The following MED16 variants were observed in gnomAD, a reference collection of about 807,000 sequenced individuals.
The protein encoded by MED16 is mediator complex subunit 16.
MED16 carries 81 observed loss-of-function variants against 84.4 expected under a neutral mutation model. That is an observed-to-expected ratio of 0.96 (90% CI 0.80 to 1.15). The LOEUF is 1.15. Among genes scored for constraint, MED16 ranks in the 50% most tolerant of loss-of-function variants. The pLI is 0.00. For synonymous variants in MED16, 897 were observed against 552.2 expected, an observed-to-expected ratio of 1.62 and a Z score of -8.76; for missense variants, 1,585 against 1,245.9, an observed-to-expected ratio of 1.27 and a Z score of -4.10.
At chr19:879,702 C>T (rs2036368415) in intron 8 of MED16, among the ~76,000 whole-genome samples, 1 of 151,650 alleles carries the variant, frequency 6.6e-6, no homozygotes, top group Non-Finnish European at 1.5e-5. Flanking sequence ...CCCAGCAGCT[C>T]GCCTTCCCCT....
intron 4 of MED16, among the ~76,000 whole-genome samples, chr19:887,870 T>C (rs911667650): frequency 6.7e-6 from 1 of 150,200 alleles, no homozygotes; most frequent in African/African-American, 2.5e-5. Flanking sequence ...TGGATCAGGG[T>C]GATGCAGGAT....
At chr19:877,246 T>C in intron 8 of MED16, 66 bp from the exon 9 acceptor site, 3 of 1,476,746 alleles carry the variant, frequency 2.0e-6, no homozygotes, top group Middle Eastern at 2.2e-4. Context: ...GGGAGAGGAA[T>C]GGGGCCCTGG....
chr19:877,217 TG>T, intron 8 of MED16, 37 bp from the exon 9 acceptor site: 1 of 1,575,076 alleles, frequency 6.3e-7, no homozygotes. Context: ...CCCGGTGAGA[TG>T]GGGCTGCGCC....
Position 876,846 on chromosome 19 carries a change from A to ACGGG in MED16, c.1560+127_1560+128insCCCG, listed in dbSNP as rs1568324433. The stretch of plus-strand genomic sequence containing the variant: ...CGGGGCCCCTGCCTGCCACAGGGAC[A>ACGGG]GCCCCACCTGGCACGGGACCACCTG... On this transcript the variant is annotated intron_variant, in intron 9 of 15. Transcript: ENST00000325464. 1.2e-4 allele frequency: 101 copies of ACGGG among 841,764 alleles called. No individual in the cohort carries two copies. The African/African-American group carries it at 1.7e-3, about 14-fold the overall frequency. The allele number at this position is 841,764 out of a possible 1,614,324, so 52.1% of individuals were successfully genotyped here.
chr19:868,245 A>G lies in MED16; in HGVS notation c.2490T>C (p.Val830=). The change falls in exon 16 of 16, where the codon GTT becomes GTC. Residue 830 remains valine, a synonymous_variant. Transcript: ENST00000325464. ...CGCAGGCGTCCGGCCCACGGCCTTC[A>G]ACAGCCCTGCAGGGCGGGCTGAGGT... ...EQRWIKNCLA[V]EGRGPDACVT... is the part of the protein sequence containing the mutation. 1 of 1,595,622 alleles carries G rather than the reference A, an allele frequency of 6.3e-7. No individual in the cohort carries two copies. The highest frequency in any genetic ancestry group is 8.5e-7 in the Non-Finnish European group (1 of 1,171,950).
intron 2 of MED16, chr19:890,526 T>C: frequency 2.6e-6 from 1 of 389,598 alleles, no homozygotes; most frequent in Non-Finnish European, 4.6e-6. Flanking sequence ...GGTGGCTTTT[T>C]TGCACCCCGA....
In MED16 at chr19:886,046, C is replaced by T. The variant is rs527765477; in HGVS notation, c.603G>A (p.Thr201=). ...GCAGCCGGCACAGGCTCTCGGTGGA[C>T]GTCAGCACCTGCCCGCTGGGCTTCA... ...SLLKPSGQVL[T]STESLCRLRG... is the part of the protein sequence containing the mutation. Residue 201 remains threonine, a synonymous_variant, in exon 5 of 16, where the codon ACG becomes ACA. Transcript: ENST00000325464. 7.0e-5 allele frequency: 111 copies of T among 1,597,062 alleles called. 1 individual carries two copies. Among genetic ancestry groups the T allele is most frequent in the Middle Eastern group, 1.7e-4 (1 of 6,048 alleles).
Position 871,931 on chromosome 19 carries a change from A to T in MED16, c.2093T>A (p.Ile698Asn), listed in dbSNP as rs768815695. 6.5e-7 allele frequency: 1 copy of T among 1,546,714 alleles called. No individual in the cohort carries two copies. The highest frequency in any genetic ancestry group is 8.7e-7 in the Non-Finnish European group (1 of 1,150,342). Reference protein sequence around the residue: ...LLFRLLTKLWICCRDEGPASE... With the variant: ...LLFRLLTKLWNCCRDEGPASE... The stretch of plus-strand genomic sequence containing the variant: ...GGCGGGCGGGGGTGCCTCACAGCAG[A>T]TCCAGAGCTTGGTGAGCAGGCGGAA... Residue 698 changes from isoleucine to asparagine, a missense_variant, in exon 12 of 16, where the codon ATC (isoleucine) becomes AAC (asparagine). Coordinates refer to ENST00000325464, the MANE Select transcript of MED16 (RefSeq NM_005481.3).
At position 879,259 on chromosome 19, in the gene MED16, T is replaced by A. The variant is rs1178837889; in HGVS notation, c.1353+678A>T. Among the ~76,000 whole-genome samples the A allele has an allele frequency of 2.9e-5, 4 of 137,182 alleles. No homozygotes were observed. The South Asian group carries it at 9.7e-4, about 33-fold the overall frequency. The allele number at this position is 137,182 out of a possible 152,430, so 90.0% of individuals were successfully genotyped here. ...CCCCACATGCCCCAGCAGCTCGCCTTCCTCTGGTTGTCAATGCCCAGCAGC... is the reference window on the plus strand; with the variant it reads ...CCCCACATGCCCCAGCAGCTCGCCTACCTCTGGTTGTCAATGCCCAGCAGC... On this transcript the variant is annotated intron_variant, in intron 8 of 15. Transcript: ENST00000325464.
chr19:875,491 A>C (rs1568323482), intron 9 of MED16, 37 bp from the exon 10 acceptor site: 1 of 1,532,608 alleles, frequency 6.5e-7, no homozygotes, highest in Non-Finnish European at 8.8e-7. Context: ...AAGGGGCCGG[A>C]GCAGAGGCGC....
Position 871,963 on chromosome 19 carries a change from G to T in MED16, c.2061C>A (p.Ser687=), listed in dbSNP as rs201690635. The T allele has an allele frequency of 3.1e-6, 5 of 1,606,340 alleles. No homozygotes were observed. Among genetic ancestry groups the T allele is most frequent in the Non-Finnish European group, 4.2e-6 (5 of 1,177,352 alleles). Residue 687 remains serine, a synonymous_variant, in exon 12 of 16, where the codon TCC becomes TCA. Transcript: ENST00000325464. The stretch of plus-strand genomic sequence containing the variant: ...GCTTGGTGAGCAGGCGGAAGAGCAG[G>T]GACATGCTGTCCTGGGTATCCGAGG... The part of the protein sequence containing the change: ...TATSDTQDSM[S]LLFRLLTKLW...
chr19:880,497 G>A (rs1174372114), intron 7 of MED16, among the ~76,000 whole-genome samples: 1 of 152,194 alleles, frequency 6.6e-6, no homozygotes, highest in Non-Finnish European at 1.5e-5. Context: ...CCCAAAGAGA[G>A]GCATCTTAGG....
intron 9 of MED16, among the ~76,000 whole-genome samples, chr19:876,431 G>C (rs2036231114): frequency 6.6e-6 from 1 of 152,092 alleles, no homozygotes; most frequent in Non-Finnish European, 1.5e-5. Flanking sequence ...TGTGCATCCT[G>C]GTACCCATCA....
At chr19:877,967 G>A (rs1443874332) in intron 8 of MED16, among the ~76,000 whole-genome samples, 1 of 9,264 alleles carries the variant, frequency 1.1e-4, no homozygotes, top group Non-Finnish European at 2.0e-4. Context: ...CCCAGCCCCA[G>A]CCCCAGCCCC....
Position 889,992 on chromosome 19 carries a change from C to T in MED16, c.277+145G>A, listed in dbSNP as rs112251710. Reference sequence around the variant, plus strand: ...CACCCTGAACAAGAATGATTCGGGCCACTATGGAAAGAGCAGCAGGTGCAA... The same window carrying T: ...CACCCTGAACAAGAATGATTCGGGCTACTATGGAAAGAGCAGCAGGTGCAA... On this transcript the variant is annotated intron_variant, in intron 3 of 15. Coordinates refer to ENST00000325464, the MANE Select transcript of MED16 (RefSeq NM_005481.3). 2,354 of 830,738 alleles carry T rather than the reference C, an allele frequency of 2.8e-3. 36 individuals carry two copies. In the African/African-American group the frequency reaches 0.03, roughly 10 times the overall value. The allele number at this position is 830,738 out of a possible 1,614,324, so 51.5% of individuals were successfully genotyped here.
intron 4 of MED16, among the ~76,000 whole-genome samples, chr19:887,091 A>C (rs746350453): frequency 2.6e-5 from 4 of 151,950 alleles, no homozygotes; most frequent in South Asian, 4.1e-4. Context: ...AAAACAAAAA[A>C]AAAAAGAACA....
At chr19:878,280 C>T (rs1482144474) in intron 8 of MED16, among the ~76,000 whole-genome samples, 51 of 84,484 alleles carry the variant, frequency 6.0e-4, no homozygotes, top group Non-Finnish European at 7.0e-4. Context: ...AGCTCGCCTT[C>T]CCCTGGTTGT....
In MED16 at chr19:886,250, C is replaced by T. The variant is rs777298547; in HGVS notation, c.448-49G>A. ...GAGGGGCCGCTCAGGCTCATGGGGG[C>T]TGCCCCATGACCCCCAGAAACACGC... On this transcript the variant is annotated intron_variant, in intron 4 of 15. Coordinates refer to ENST00000325464, the MANE Select transcript of MED16 (RefSeq NM_005481.3). 20 of 1,427,548 alleles carry T rather than the reference C, an allele frequency of 1.4e-5. No homozygotes were observed. In the South Asian group the frequency reaches 2.8e-4, roughly 20 times the overall value. 88.4% of individuals were successfully genotyped at this position (1,427,548 alleles called of 1,614,324 possible).
chr19:883,060 C>T (rs1470150949), intron 6 of MED16, among the ~76,000 whole-genome samples: 2 of 152,236 alleles, frequency 1.3e-5, no homozygotes, highest in African/African-American at 2.4e-5. Context: ...GACCACACCC[C>T]CAGCTAGTGG....
Sources: allele counts gnomAD v4.1 joint callset (sites outside exome capture counted in the v4.1 genomes callset), GRCh38; gene constraint gnomAD v4.1.1; transcripts MANE v1.5; gene names NCBI Gene and HGNC (gene_info 2026-07-23, HGNC 2026-07-21).